TBC1D2B: variants seen among roughly 807,000 people sequenced by gnomAD.
TBC1D2B encodes the protein TBC1 domain family, member 2B.
In TBC1D2B, 64 loss-of-function variants were observed where a neutral mutation model predicts 100.8. The observed-to-expected ratio is 0.64, with a 90% CI of 0.52 to 0.78. The LOEUF (loss-of-function observed/expected upper bound fraction) is 0.78, where lower values mean the gene tolerates loss of function less well. TBC1D2B is among the 30% of genes least tolerant of loss of function. The pLI is 0.00. For missense variants in TBC1D2B, 1,052 were observed against 1,218.4 expected, an observed-to-expected ratio of 0.86 and a Z score of 2.03; for synonymous variants, 480 against 479.7, an observed-to-expected ratio of 1.00 and a Z score of -0.01.
intron 6 of TBC1D2B, among the ~76,000 whole-genome samples, chr15:78,019,225 C>T (rs2072452806): frequency 6.6e-6 from 1 of 152,174 alleles, no homozygotes; most frequent in Non-Finnish European, 1.5e-5. Context: ...CTAACATTTA[C>T]GGAGCACTTG....
chr15:78,003,517 G>A lies in TBC1D2B; in HGVS notation c.2389-27C>T. ...TGGAGAGGGAACAAAGGGGAGAAGT[G>A]TATCAGGCCTGCCAGGTCACCGGGT... On this transcript the variant is annotated intron_variant, in intron 10 of 12. Transcript: ENST00000300584. 3 of 1,580,948 alleles carry A rather than the reference G, an allele frequency of 1.9e-6. No individual in the cohort carries two copies. In the South Asian group the frequency reaches 3.3e-5, roughly 18 times the overall value.
chr15:78,043,609 T>C (rs887252599), intron 3 of TBC1D2B, among the ~76,000 whole-genome samples: 2 of 152,192 alleles, frequency 1.3e-5, no homozygotes, highest in Admixed American at 6.5e-5. Flanking sequence ...GAATATTATT[T>C]GGCCATAAAA....
chr15:78,039,108 A>G (rs1412416931), intron 3 of TBC1D2B, among the ~76,000 whole-genome samples: 1 of 152,244 alleles, frequency 6.6e-6, no homozygotes, highest in East Asian at 1.9e-4. Context: ...GTCCTGGCTT[A>G]AAAAATGTCT....
At chr15:78,037,429 C>A (rs2072970395) in intron 3 of TBC1D2B, among the ~76,000 whole-genome samples, 1 of 152,244 alleles carries the variant, frequency 6.6e-6, no homozygotes, top group Admixed American at 6.5e-5. Flanking sequence ...AGAATAAGCA[C>A]TTCTTCCTGG....
chr15:78,016,221 T>A (rs2072370597), intron 8 of TBC1D2B, among the ~76,000 whole-genome samples: 1 of 152,108 alleles, frequency 6.6e-6, no homozygotes, highest in South Asian at 2.1e-4. Context: ...TTGAACCACC[T>A]GTGGGTAGGG....
At chr15:78,050,562 T>C (rs1361215626) in intron 2 of TBC1D2B, among the ~76,000 whole-genome samples, 1 of 152,278 alleles carries the variant, frequency 6.6e-6, no homozygotes, top group Non-Finnish European at 1.5e-5. Context: ...AGCTACCTCA[T>C]TCTCAACAGC....
chr15:78,058,659 C>A (rs2073478180), intron 1 of TBC1D2B, among the ~76,000 whole-genome samples: 1 of 152,246 alleles, frequency 6.6e-6, no homozygotes, highest in Admixed American at 6.5e-5. Context: ...GCCAGGACCA[C>A]ACAGCATTCA....
At chr15:78,031,346 G>A (rs1268279398) in intron 3 of TBC1D2B, among the ~76,000 whole-genome samples, 2 of 152,082 alleles carry the variant, frequency 1.3e-5, no homozygotes, top group Non-Finnish European at 2.9e-5. Context: ...CTGAGGTCAG[G>A]AGTTTAAGAC....
At chr15:78,024,049 G>T in intron 6 of TBC1D2B, 107 bp downstream of exon 6, 4 of 1,339,590 alleles carry the variant, frequency 3.0e-6, no homozygotes, top group African/African-American at 1.5e-5. Context: ...AAAAATAAGT[G>T]TGCAGCTGTT....
chr15:78,013,972 C>T lies in TBC1D2B; in HGVS notation c.1776-655G>A, dbSNP rs568038970. ...TCAGAGAAATGTCAGGCAGGAGAGA[C>T]GGGAGGTGTGAGAGGGGCTGGACCT... On this transcript the variant is annotated intron_variant, in intron 8 of 12. Transcript: ENST00000300584. Among the ~76,000 whole-genome samples the T allele has an allele frequency of 4.6e-5, 7 of 152,148 alleles. No homozygotes were observed. The South Asian group carries it at 8.3e-4, about 18-fold the overall frequency.
Position 78,009,049 on chromosome 15 carries a change from A to C in TBC1D2B, c.2336T>G (p.Val779Gly). The change falls in exon 10 of 13, where the codon GTG becomes GGG. Residue 779 changes from valine to glycine, a missense_variant. Val to Gly is a moderately radical substitution (Grantham distance 109, BLOSUM62 -3). This residue lies in a region of TBC1D2B where 373 missense variants were observed against 464.9 expected (regional missense o/e 0.80). Transcript: ENST00000300584. The stretch of plus-strand genomic sequence containing the variant: ...ATAGTCTCGAGGCATGAAAACTTCC[A>C]CTATGGTAACGAGACACCAGAAAGC... ...EDAFWCLVTI[V>G]EVFMPRDYYT... is the part of the protein sequence containing the mutation. 1 of 1,608,688 alleles carries C rather than the reference A, an allele frequency of 6.2e-7. No individual in the cohort carries two copies. Among genetic ancestry groups the C allele is most frequent in the Non-Finnish European group, 8.5e-7 (1 of 1,177,384 alleles).
chr15:78,058,785 C>T (rs1201159759), intron 1 of TBC1D2B, among the ~76,000 whole-genome samples: 2 of 152,214 alleles, frequency 1.3e-5, no homozygotes, highest in Admixed American at 1.3e-4. Context: ...ACAGGCATTC[C>T]ACTCATGCTA....
At chr15:78,027,634 G>A (rs182791967) in intron 4 of TBC1D2B, among the ~76,000 whole-genome samples, 7 of 152,326 alleles carry the variant, frequency 4.6e-5, no homozygotes, top group Admixed American at 4.6e-4. Context: ...CAAGAAAACA[G>A]TCTCCAAGGT....
chr15:78,000,006 C>T (rs540893333), intron 12 of TBC1D2B, among the ~76,000 whole-genome samples: 14 of 152,306 alleles, frequency 9.2e-5, no homozygotes, highest in African/African-American at 1.4e-4. Flanking sequence ...GAAGGCCGAT[C>T]GCTGTGCTGC....
intron 4 of TBC1D2B, among the ~76,000 whole-genome samples, chr15:78,026,839 T>G (rs147982464): frequency 6.7e-6 from 1 of 150,358 alleles, no homozygotes; most frequent in African/African-American, 2.5e-5. Flanking sequence ...AGGCAAAGTT[T>G]GCAGTGAGCC....
intron 6 of TBC1D2B, among the ~76,000 whole-genome samples, chr15:78,021,941 G>C (rs1193098313): frequency 1.3e-5 from 2 of 152,100 alleles, no homozygotes; most frequent in East Asian, 3.9e-4. Context: ...GCACACCCTG[G>C]CTCGCTCCCC....
At chr15:78,041,648 C>T (rs970390682) in intron 3 of TBC1D2B, among the ~76,000 whole-genome samples, 5 of 152,278 alleles carry the variant, frequency 3.3e-5, no homozygotes, top group Non-Finnish European at 7.3e-5. Flanking sequence ...TGTCTGTGCA[C>T]CTAAGGCATT....
intron 3 of TBC1D2B, among the ~76,000 whole-genome samples, chr15:78,036,353 A>G (rs749967275): frequency 1.6e-4 from 25 of 152,352 alleles, no homozygotes; most frequent in South Asian, 8.3e-4. Context: ...GTCACTTGCT[A>G]TGGTTTGAAT....
intron 3 of TBC1D2B, among the ~76,000 whole-genome samples, chr15:78,034,047 C>A (rs768075788): frequency 6.6e-6 from 1 of 152,102 alleles, no homozygotes; most frequent in Non-Finnish European, 1.5e-5. Flanking sequence ...TACTTAGGAC[C>A]AACACGGAGC....
Sources: allele counts gnomAD v4.1 joint callset (sites outside exome capture counted in the v4.1 genomes callset), GRCh38; gene constraint gnomAD v4.1.1; regional missense constraint gnomAD v4.1.1; transcripts MANE v1.5; gene names NCBI Gene and HGNC (gene_info 2026-07-23, HGNC 2026-07-21).